The following SNX30 variants were observed in gnomAD, a reference collection of about 807,000 sequenced individuals.
SNX30 encodes the protein sorting nexin-30.
Under a neutral mutation model 46.4 loss-of-function variants are expected in SNX30, and 24 were observed. The ratio of observed to expected loss-of-function variants is 0.52; its 90% CI spans 0.37 to 0.73. The LOEUF is 0.73. SNX30 is among the 30% of genes least tolerant of loss of function. The pLI is 0.00. For missense variants in SNX30, 533 were observed against 555.7 expected, an observed-to-expected ratio of 0.96 and a Z score of 0.41; for synonymous variants, 189 against 211.5, an observed-to-expected ratio of 0.89 and a Z score of 0.92.
chr9:112,843,621 A>AGT (rs1840891342), intron 6 of SNX30, among the ~76,000 whole-genome samples: 1 of 108,372 alleles, frequency 9.2e-6, no homozygotes, highest in Non-Finnish European at 1.8e-5. Context: ...CTGGTCCTGC[A>AGT]GTAGCTTTTT....
At chr9:112,775,610 A>G (rs572175063) in intron 1 of SNX30, among the ~76,000 whole-genome samples, 2 of 144,320 alleles carry the variant, frequency 1.4e-5, no homozygotes, top group Non-Finnish European at 3.0e-5. Context: ...CTCTTCACAC[A>G]GAATTTAGAA....
In SNX30 at chr9:112,761,458, C is replaced by T. The variant is rs116166196; in HGVS notation, c.156+10301C>T. Among the ~76,000 whole-genome samples the T allele has an allele frequency of 6.5e-3, 983 of 152,234 alleles. 14 individuals are homozygous for T. Among genetic ancestry groups the T allele is most frequent in the African/African-American group, 0.022 (929 of 41,522 alleles). ...GATTACAGGTGTGAGCCACTGCTCCCGGCCCCAAGAGGGTTTTTGAGCAGG... is the reference window on the plus strand; with the variant it reads ...GATTACAGGTGTGAGCCACTGCTCCTGGCCCCAAGAGGGTTTTTGAGCAGG... On this transcript the variant is annotated intron_variant, in intron 1 of 8. Transcript: ENST00000374232.
intron 3 of SNX30, among the ~76,000 whole-genome samples, chr9:112,818,912 T>C (rs1231379792): frequency 6.6e-6 from 1 of 152,236 alleles, no homozygotes; most frequent in Non-Finnish European, 1.5e-5. Flanking sequence ...CCACATACTT[T>C]TCTGTTCTCC....
chr9:112,759,861 G>A (rs1418945931), intron 1 of SNX30, among the ~76,000 whole-genome samples: 1 of 152,122 alleles, frequency 6.6e-6, no homozygotes, highest in Non-Finnish European at 1.5e-5. Context: ...TGTGAAAAGG[G>A]GATAACAGAT....
downstream of SNX30, among the ~76,000 whole-genome samples, chr9:112,884,013 A>C (rs143734931): frequency 6.6e-6 from 1 of 152,336 alleles, no homozygotes; most frequent in Non-Finnish European, 1.5e-5. Context: ...GTTTATGAAG[A>C]ATGAGGCATT....
chr9:112,766,236 C>T (rs1391853323), intron 1 of SNX30, among the ~76,000 whole-genome samples: 2 of 152,298 alleles, frequency 1.3e-5, no homozygotes, highest in South Asian at 2.1e-4. Context: ...TTTTCCTCCA[C>T]CCCTCCAGTG....
At chr9:112,865,793 T>C (rs1200112255) in intron 8 of SNX30, among the ~76,000 whole-genome samples, 1 of 147,396 alleles carries the variant, frequency 6.8e-6, no homozygotes, top group African/African-American at 2.6e-5. Flanking sequence ...ATATATATAT[T>C]GCGATAGGGT....
chr9:112,833,790 A>G (rs1255663510), intron 4 of SNX30, among the ~76,000 whole-genome samples: 1 of 152,188 alleles, frequency 6.6e-6, no homozygotes, highest in Non-Finnish European at 1.5e-5. Flanking sequence ...GGCTTCAGTT[A>G]TAGTCTTGTG....
chr9:112,855,757 TG>T (rs1208885726), intron 7 of SNX30, among the ~76,000 whole-genome samples: 1 of 152,128 alleles, frequency 6.6e-6, no homozygotes, highest in Non-Finnish European at 1.5e-5. Context: ...CCCAGGCAGA[TG>T]GAGCTTTGGA....
chr9:112,876,222 A>T (rs186165548), downstream of SNX30, among the ~76,000 whole-genome samples: 7 of 152,330 alleles, frequency 4.6e-5, no homozygotes, highest in East Asian at 1.3e-3. Flanking sequence ...TAGCCGATTT[A>T]AGAGATTCTT....
downstream of SNX30, chr9:112,885,499 C>T (rs1295296049): frequency 6.6e-6 from 1 of 151,420 alleles, no homozygotes. Context: ...ATGAGAGAAC[C>T]TCACTTCAAA....
intron 7 of SNX30, among the ~76,000 whole-genome samples, chr9:112,851,804 A>G (rs1009509611): frequency 6.6e-6 from 1 of 152,084 alleles, no homozygotes; most frequent in African/African-American, 2.4e-5. Context: ...CAGGTAGGAG[A>G]TGGAATCATA....
At chr9:112,777,790 T>A (rs1490821769) in intron 1 of SNX30, among the ~76,000 whole-genome samples, 1 of 152,076 alleles carries the variant, frequency 6.6e-6, no homozygotes, top group Non-Finnish European at 1.5e-5. Flanking sequence ...GCTTTTAAAC[T>A]GAGTGGTTGC....
chr9:112,829,567 C>G (rs1840629999), intron 3 of SNX30, among the ~76,000 whole-genome samples: 1 of 152,270 alleles, frequency 6.6e-6, no homozygotes, highest in Non-Finnish European at 1.5e-5. Context: ...CAGGCATGAG[C>G]CACCACGCCC....
At chr9:112,768,300 C>T (rs1449649990) in intron 1 of SNX30, among the ~76,000 whole-genome samples, 1 of 152,216 alleles carries the variant, frequency 6.6e-6, no homozygotes, top group Non-Finnish European at 1.5e-5. Flanking sequence ...TTCCAGCCGA[C>T]ATCTATTGCT....
At chr9:112,826,232 A>G (rs1840577376) in intron 3 of SNX30, among the ~76,000 whole-genome samples, 1 of 152,154 alleles carries the variant, frequency 6.6e-6, no homozygotes, top group Admixed American at 6.5e-5. Context: ...TTGGCACTCA[A>G]TTTTAAAAGG....
rs544301664 is a variant in SNX30 at position 112,778,469 on chromosome 9, G to A, written c.157-26307G>A. ...GTATTTTTAGTAGAGAGGGGGTTTC[G>A]CCATGTTGGCCAGGCTGGTCGCGAA... On this transcript the variant is annotated intron_variant, in intron 1 of 8. Transcript: ENST00000374232. Among the ~76,000 whole-genome samples, 517 of 152,074 alleles carry A rather than the reference G, an allele frequency of 3.4e-3. 2 individuals carry two copies. Among genetic ancestry groups the A allele is most frequent in the African/African-American group, 0.012 (486 of 41,498 alleles).
chr9:112,764,560 A>G (rs183189345), intron 1 of SNX30, among the ~76,000 whole-genome samples: 12 of 152,154 alleles, frequency 7.9e-5, no homozygotes, highest in Middle Eastern at 3.4e-3. Context: ...CATTCCAATC[A>G]AGTGTTTTAA....
At position 112,808,363 on chromosome 9, in the gene SNX30, T is replaced by C. The variant is rs578144429; in HGVS notation, c.348+3396T>C. 2.6e-5 allele frequency among the ~76,000 whole-genome samples: 4 copies of C among 152,334 alleles called. No individual in the cohort carries two copies. In the East Asian group the frequency reaches 5.8e-4, roughly 22 times the overall value. Reference sequence around the variant, plus strand: ...CTCTTTTTGCCTGAGCTAAAATAAGTGAAGGCTGACAGCCAATGTAGGCAA... The same window carrying C: ...CTCTTTTTGCCTGAGCTAAAATAAGCGAAGGCTGACAGCCAATGTAGGCAA... On this transcript the variant is annotated intron_variant, in intron 2 of 8. Coordinates refer to ENST00000374232, the MANE Select transcript of SNX30 (RefSeq NM_001012994.2).
Sources: allele counts gnomAD v4.1 joint callset (sites outside exome capture counted in the v4.1 genomes callset), GRCh38; gene constraint gnomAD v4.1.1; transcripts MANE v1.5; gene names NCBI Gene and HGNC (gene_info 2026-07-23, HGNC 2026-07-21).